Variants in MARCHF11 observed in about 807,000 individuals in gnomAD.
The protein encoded by MARCHF11 is E3 ubiquitin-protein ligase MARCHF11.
MARCHF11 carries 29 observed loss-of-function variants against 37.3 expected under a neutral mutation model. The observed-to-expected ratio is 0.78, with a 90% CI of 0.58 to 1.06. The LOEUF (loss-of-function observed/expected upper bound fraction) is 1.06. Among genes scored for constraint, MARCHF11 ranks in the 50% least tolerant of loss-of-function variants. The probability of loss-of-function intolerance (pLI) is 0.00; values close to 1 mark genes in which losing one functional copy is unlikely to be tolerated. For missense variants in MARCHF11, 482 were observed against 533.4 expected (o/e 0.90, Z 0.95); for synonymous variants, 233 against 228.0 (o/e 1.02, Z -0.20).
intron 3 of MARCHF11, among the ~76,000 whole-genome samples, chr5:16,084,821 T>C (rs2126552319): frequency 6.6e-6 from 1 of 152,076 alleles, no homozygotes; most frequent in South Asian, 2.1e-4. Flanking sequence ...CTGATCCTCA[T>C]TCTGGCATAT....
intron 2 of MARCHF11, among the ~76,000 whole-genome samples, chr5:16,091,367 TATCTGGAA>T (rs1384170145): frequency 6.6e-6 from 1 of 152,234 alleles, no homozygotes; most frequent in Non-Finnish European, 1.5e-5. Context: ...GAATATTTAG[TATCTGGAA>T]ATCACATTAT....
chr5:16,152,185 C>T (rs1220510189), intron 2 of MARCHF11, among the ~76,000 whole-genome samples: 3 of 151,824 alleles, frequency 2.0e-5, no homozygotes, highest in Non-Finnish European at 4.4e-5. Flanking sequence ...TTTTGTATCT[C>T]TCAAGACGAA....
At chr5:16,150,064 A>C (rs1737866799) in intron 2 of MARCHF11, among the ~76,000 whole-genome samples, 1 of 149,328 alleles carries the variant, frequency 6.7e-6, no homozygotes, top group African/African-American at 2.6e-5. Context: ...TTGGGAACTG[A>C]AACTTCCTCT....
At chr5:16,096,976 T>C (rs1421074661) in intron 2 of MARCHF11, among the ~76,000 whole-genome samples, 1 of 152,152 alleles carries the variant, frequency 6.6e-6, no homozygotes, top group Non-Finnish European at 1.5e-5. Flanking sequence ...TCGGGTACTG[T>C]TTCATCTTTG....
chr5:16,099,227 A>T (rs1736917323), intron 2 of MARCHF11, among the ~76,000 whole-genome samples: 1 of 152,224 alleles, frequency 6.6e-6, no homozygotes, highest in African/African-American at 2.4e-5. Flanking sequence ...TCTAAGAAAG[A>T]AATATGAATT....
At chr5:16,156,022 A>C (rs1332721744) in intron 2 of MARCHF11, among the ~76,000 whole-genome samples, 1 of 151,970 alleles carries the variant, frequency 6.6e-6, no homozygotes, top group Non-Finnish European at 1.5e-5. Context: ...AGATTAGCTT[A>C]AAGTAAATGC....
chr5:16,134,084 T>C (rs899982417), intron 2 of MARCHF11, among the ~76,000 whole-genome samples: 1 of 152,324 alleles, frequency 6.6e-6, no homozygotes, highest in Admixed American at 6.5e-5. Context: ...TGGAGTGTCA[T>C]TGTTCCTATA....
chr5:16,145,790 C>T (rs1047382124), intron 2 of MARCHF11, among the ~76,000 whole-genome samples: 1 of 152,026 alleles, frequency 6.6e-6, no homozygotes, highest in East Asian at 1.9e-4. Flanking sequence ...TCACCATCTC[C>T]ATATTTCAAC....
intron 2 of MARCHF11, among the ~76,000 whole-genome samples, chr5:16,145,230 C>T (rs950459929): frequency 1.3e-5 from 2 of 152,114 alleles, no homozygotes; most frequent in African/African-American, 4.8e-5. Context: ...GAATGTGTCC[C>T]CCAAAATTCA....
chr5:16,144,891 G>C (rs975087780), intron 2 of MARCHF11, among the ~76,000 whole-genome samples: 1 of 152,192 alleles, frequency 6.6e-6, no homozygotes, highest in African/African-American at 2.4e-5. Context: ...CCATGTGCAT[G>C]CCACAGAACA....
At chr5:16,152,114 T>C (rs1461856916) in intron 2 of MARCHF11, among the ~76,000 whole-genome samples, 9 of 152,106 alleles carry the variant, frequency 5.9e-5, no homozygotes, top group African/African-American at 2.2e-4. Flanking sequence ...TCAGCTGAGC[T>C]TTATATTTTA....
At chr5:16,170,754 G>A (rs1028917606) in intron 2 of MARCHF11, among the ~76,000 whole-genome samples, 37 of 152,022 alleles carry the variant, frequency 2.4e-4, no homozygotes, top group African/African-American at 8.0e-4. Flanking sequence ...AACCTGTCCC[G>A]CTCATTGCTA....
chr5:16,085,410 A>C (rs931061183), intron 3 of MARCHF11, among the ~76,000 whole-genome samples: 1 of 152,138 alleles, frequency 6.6e-6, no homozygotes, highest in African/African-American at 2.4e-5. Flanking sequence ...AGCCATTTTT[A>C]TTTTTATTTT....
chr5:16,120,693 C>A (rs1429663213), intron 2 of MARCHF11, among the ~76,000 whole-genome samples: 2 of 152,236 alleles, frequency 1.3e-5, no homozygotes, highest in Non-Finnish European at 2.9e-5. Context: ...TATTTCCCCA[C>A]CCCTTGAATC....
intron 2 of MARCHF11, among the ~76,000 whole-genome samples, chr5:16,150,081 A>G (rs1737867047): frequency 6.7e-6 from 1 of 149,442 alleles, no homozygotes; most frequent in African/African-American, 2.6e-5. Context: ...CTCTGTCTTG[A>G]TCTGGGTGGT....
chr5:16,067,478 G>A lies in MARCHF11; in HGVS notation c.1202C>T (p.Ser401Leu), dbSNP rs1294489447. ...SSGEVVMRVT[S>L]V ...CATCATCTTATGCTTTTGTCACACT[G>A]AAGTCACTCTCATCACAACCTCCCC... is the stretch of plus-strand genomic sequence containing the variant. Residue 401 changes from serine to leucine, a missense_variant, in exon 4 of 4, where the codon TCA becomes TTA. Coordinates refer to ENST00000332432, the MANE Select transcript of MARCHF11 (RefSeq NM_001102562.3). 1 of 1,612,712 alleles carries A rather than the reference G, an allele frequency of 6.2e-7. No homozygotes were observed. The highest frequency in any genetic ancestry group is 8.5e-7 in the Non-Finnish European group (1 of 1,178,928).
intron 2 of MARCHF11, among the ~76,000 whole-genome samples, chr5:16,156,461 C>T (rs996641357): frequency 6.6e-6 from 1 of 151,876 alleles, no homozygotes; most frequent in African/African-American, 2.4e-5. Context: ...TTCTTTATAA[C>T]TATCCTAATC....
At chr5:16,093,754 G>A (rs370810793) in intron 2 of MARCHF11, among the ~76,000 whole-genome samples, 9 of 152,226 alleles carry the variant, frequency 5.9e-5, no homozygotes, top group South Asian at 2.1e-4. Context: ...GATTATGTCC[G>A]GAGGCAAGGA....
chr5:16,150,205 T>C (rs1480547560), intron 2 of MARCHF11, among the ~76,000 whole-genome samples: 1 of 149,460 alleles, frequency 6.7e-6, no homozygotes, highest in Admixed American at 6.6e-5. Context: ...ACAAATAGAT[T>C]ATATAATTCT....
Sources: gnomAD v4.1 joint callset for allele counts (sites outside exome capture counted in the v4.1 genomes callset) on GRCh38, gnomAD v4.1.1 for gene constraint, MANE v1.5 for transcripts, NCBI Gene and HGNC (gene_info 2026-07-23, HGNC 2026-07-21) for gene names.